The following ZNF320 variants were observed in gnomAD, a reference collection of about 807,000 sequenced individuals.
ZNF320 encodes zinc finger gene 320.
ZNF320 carries 2 observed loss-of-function variants against 6.8 expected under a neutral mutation model. The ratio of observed to expected loss-of-function variants is 0.29; its 90% CI spans 0.12 to 0.93. The LOEUF (loss-of-function observed/expected upper bound fraction) is 0.93, where lower values mean the gene tolerates loss of function less well. ZNF320 is among the 40% of genes least tolerant of loss of function. The pLI is 0.55. For missense variants in ZNF320, 472 were observed against 611.0 expected (o/e 0.77, Z 2.40); for synonymous variants, 208 against 203.2 (o/e 1.02, Z -0.20).
At chr19:52,886,272 T>C (rs1331623107) in intron 5 of ZNF320, among the ~76,000 whole-genome samples, 2 of 152,042 alleles carry the variant, frequency 1.3e-5, no homozygotes, top group East Asian at 3.9e-4. Flanking sequence ...GTAGCTGGGA[T>C]TACAGCTGCC....
In ZNF320 at chr19:52,880,371, A is replaced by C. The variant is rs766633656; in HGVS notation, c.*225T>G. On this transcript the variant is annotated 3_prime_UTR_variant, in exon 6 of 6. Transcript: ENST00000682928. The stretch of plus-strand genomic sequence containing the variant: ...TTAAAAATAAATAAATAAATAAAAG[A>C]ACATACAGGCTGGGAAAAGTGGCTC... 6.5e-6 allele frequency: 3 copies of C among 464,666 alleles called. No homozygotes were observed. The allele number at this position is 464,666 out of a possible 1,614,324, so 28.8% of individuals were successfully genotyped here. A position where few individuals can be genotyped will look rare whatever the true frequency, so the allele number is the denominator to read the frequency against.
At chr19:52,898,160 C>T (rs1600667997), upstream of ZNF320, among the ~76,000 whole-genome samples, 1 of 152,232 alleles carries the variant, frequency 6.6e-6, no homozygotes, top group East Asian at 1.9e-4. Context: ...CAATTTCCTG[C>T]TGACGGCCCA....
chr19:52,886,988 A>AGGAAGGAG (rs1335472727), intron 5 of ZNF320, among the ~76,000 whole-genome samples: 1 of 80,508 alleles, frequency 1.2e-5, no homozygotes, highest in Non-Finnish European at 2.9e-5. Flanking sequence ...GAAGGAAGGA[A>AGGAAGGAG]GGAAGGAAGG....
chr19:52,862,464 AATG>A (rs982314073), exon 6 of ZNF320: 5 of 377,868 alleles, frequency 1.3e-5, no homozygotes, highest in Admixed American at 3.3e-5. Flanking sequence ...GCAAGGTATG[AATG>A]ATGACTGTAA....
At chr19:52,865,477 T>TATATATATATATGTAATAC (rs1568692755) in intron 5 of ZNF320, 7 of 43,988 alleles carry the variant, frequency 1.6e-4, no homozygotes, top group African/African-American at 5.7e-4. Flanking sequence ...ATATTACATA[T>TATATATATATATGTAATAC]ATATATAATA....
chr19:52,880,892 G>A lies in ZNF320; in HGVS notation c.1234C>T (p.Leu412Phe). ...TTGTCACATTCTTCACATTCGTAAA[G>A]TTTCTCTCCAGTATGAAGTTTTTGA... ...CHQKLHTGEK[L>F]YECEECDKVY... The change falls in exon 6 of 6, where the codon CTT becomes TTT. Residue 412 changes from leucine (L) to phenylalanine (F), a missense_variant. Leu to Phe is a conservative substitution (Grantham distance 22). This residue lies in a region of ZNF320 where 462 missense variants were observed against 559.7 expected (regional missense o/e 0.83). Coordinates refer to ENST00000682928, the MANE Select transcript of ZNF320 (RefSeq NM_001351774.2). 6.2e-7 allele frequency: 1 copy of A among 1,613,930 alleles called. No homozygotes were observed. The highest frequency in any genetic ancestry group is 1.1e-5 in the South Asian group (1 of 91,072).
intron 5 of ZNF320, among the ~76,000 whole-genome samples, chr19:52,866,043 CATATATATGATTATACAT>C (rs1568693911): frequency 0.062 from 7,851 of 126,390 alleles, 1,698 homozygotes; most frequent in Non-Finnish European, 0.078. Flanking sequence ...TATGATTATA[CATATATATGATTATACAT>C]ATATTTATAT....
At chr19:52,862,914 G>A (rs1261633689) in exon 6 of ZNF320, 1 of 264,604 alleles carries the variant, frequency 3.8e-6, no homozygotes, top group African/African-American at 2.3e-5. Flanking sequence ...TCCGCCTGTA[G>A]TCTCAGCTGT....
Position 52,880,498 on chromosome 19 carries a change from G to T in ZNF320, c.*98C>A. 1.6e-6 allele frequency: 2 copies of T among 1,273,268 alleles called. No homozygotes were observed. The highest frequency in any genetic ancestry group is 1.5e-5 in the South Asian group (1 of 68,500). The allele number at this position is 1,273,268 out of a possible 1,614,324, so 78.9% of individuals were successfully genotyped here. A position where few individuals can be genotyped will look rare whatever the true frequency, so the allele number is the denominator to read the frequency against. On this transcript the variant is annotated 3_prime_UTR_variant, in exon 6 of 6. Coordinates refer to ENST00000682928, the MANE Select transcript of ZNF320 (RefSeq NM_001351774.2). ...TTACAGGTGTGAGACACCACGCCTG[G>T]CCCAATCCTCTTAACATAAACAGTT...
In ZNF320 at chr19:52,879,332, G is replaced by T. The variant is rs2063846722; in HGVS notation, c.*1264C>A. ...AGCAAATCAATGTGATATACCACTTGAACATAATGAAAGATGAAAACCACA... is the reference window on the plus strand; with the variant it reads ...AGCAAATCAATGTGATATACCACTTTAACATAATGAAAGATGAAAACCACA... On this transcript the variant is annotated 3_prime_UTR_variant, in exon 6 of 6. Coordinates refer to ENST00000682928, the MANE Select transcript of ZNF320 (RefSeq NM_001351774.2). 1 of 154,992 alleles carries T rather than the reference G, an allele frequency of 6.5e-6. No homozygotes were observed. Among genetic ancestry groups the T allele is most frequent in the Non-Finnish European group, 1.4e-5 (1 of 69,774 alleles). 9.6% of individuals were successfully genotyped at this position (154,992 alleles called of 1,614,324 possible).
intron 5 of ZNF320, among the ~76,000 whole-genome samples, chr19:52,866,173 T>G: frequency 9.2e-6 from 1 of 108,620 alleles, no homozygotes; most frequent in Middle Eastern, 5.4e-3. Context: ...TATATTTATA[T>G]ATATGATTAT....
the ZNF320 span, among the ~76,000 whole-genome samples, chr19:52,903,057 T>G: frequency 6.6e-6 from 1 of 152,150 alleles, no homozygotes; most frequent in Non-Finnish European, 1.5e-5. Flanking sequence ...TATAGGTATA[T>G]TTTACTTTTC....
downstream of ZNF320, among the ~76,000 whole-genome samples, chr19:52,860,194 G>A (rs1359619869): frequency 2.0e-5 from 3 of 152,200 alleles, no homozygotes; most frequent in Non-Finnish European, 4.4e-5. Flanking sequence ...TTACAGGCGT[G>A]AGCCACTGCA....
chr19:52,870,233 C>T (rs943860753), intron 5 of ZNF320, among the ~76,000 whole-genome samples: 5 of 151,858 alleles, frequency 3.3e-5, no homozygotes, highest in Admixed American at 3.3e-4. Flanking sequence ...GTAAACCCAG[C>T]ACTTTGTGAG....
chr19:52,867,185 A>ATTT (rs1568695475), intron 5 of ZNF320, among the ~76,000 whole-genome samples: 9 of 150,844 alleles, frequency 6.0e-5, no homozygotes, highest in East Asian at 3.9e-4. Context: ...TTAATTAATT[A>ATTT]ATTAATTTAT....
At chr19:52,871,192 T>C (rs1055971868), downstream of ZNF320, among the ~76,000 whole-genome samples, 3 of 152,210 alleles carry the variant, frequency 2.0e-5, no homozygotes, top group East Asian at 3.9e-4. Flanking sequence ...TGGTGACACA[T>C]GCCTATCATT....
chr19:52,891,686 A>T (rs1342809828), intron 2 of ZNF320, among the ~76,000 whole-genome samples: 1 of 152,200 alleles, frequency 6.6e-6, no homozygotes, highest in East Asian at 1.9e-4. Flanking sequence ...AGGGCTGTGG[A>T]GCCACACTGA....
chr19:52,873,171 T>C (rs2063710371), downstream of ZNF320, among the ~76,000 whole-genome samples: 1 of 152,042 alleles, frequency 6.6e-6, no homozygotes, highest in Admixed American at 6.6e-5. Flanking sequence ...AAGAGGCCTT[T>C]CTCTTTCGCT....
chr19:52,890,511 C>T lies in ZNF320; in HGVS notation c.-73-183G>A, dbSNP rs144408603. ...ACCCTACTGGAGGAGTCCACACACA[C>T]GCTGCAGCAGTGGGGAGCTGGGCTG... On this transcript the variant is annotated intron_variant, in intron 3 of 5. Transcript: ENST00000682928. 2,527 of 505,012 alleles carry T rather than the reference C, an allele frequency of 5.0e-3. 16 individuals are homozygous for T. The highest frequency in any genetic ancestry group is 6.3e-3 in the Middle Eastern group (11 of 1,746). The allele number at this position is 505,012 out of a possible 1,614,324, so 31.3% of individuals were successfully genotyped here. A position where few individuals can be genotyped will look rare whatever the true frequency, so the allele number is the denominator to read the frequency against.
Sources: gnomAD v4.1 joint callset for allele counts (sites outside exome capture counted in the v4.1 genomes callset) on GRCh38, gnomAD v4.1.1 for gene constraint, gnomAD v4.1.1 regional missense constraint, MANE v1.5 for transcripts, NCBI Gene and HGNC (gene_info 2026-07-23, HGNC 2026-07-21) for gene names.